ERC1: variants seen among roughly 807,000 people sequenced by gnomAD.
ERC1 encodes RAB6 interacting protein 2.
Under a neutral mutation model 132.0 loss-of-function variants are expected in ERC1, and 56 were observed. The observed-to-expected ratio is 0.42, with a 90% CI of 0.34 to 0.53. The LOEUF (loss-of-function observed/expected upper bound fraction) is 0.53, where lower values mean the gene tolerates loss of function less well. ERC1 is among the 20% of genes least tolerant of loss of function. ERC1 has a pLI of 0.03. For synonymous variants in ERC1, 478 were observed against 476.1 expected, an observed-to-expected ratio of 1.00 and a Z score of -0.05; for missense variants, 1,202 against 1,349.9, an observed-to-expected ratio of 0.89 and a Z score of 1.72.
chr12:1,217,004 A>G (rs1276555323), intron 12 of ERC1, among the ~76,000 whole-genome samples: 2 of 152,220 alleles, frequency 1.3e-5, no homozygotes, highest in African/African-American at 4.8e-5. Flanking sequence ...TGTTTGATAC[A>G]GTGATAAAAA....
At chr12:1,125,564 C>G (rs779140841) in intron 7 of ERC1, among the ~76,000 whole-genome samples, 6 of 151,980 alleles carry the variant, frequency 3.9e-5, no homozygotes, top group Non-Finnish European at 8.8e-5. Flanking sequence ...GCCTATAATC[C>G]CAGCACTTTG....
At chr12:1,032,336 A>G (rs904123732) in intron 2 of ERC1, among the ~76,000 whole-genome samples, 2 of 152,208 alleles carry the variant, frequency 1.3e-5, no homozygotes, top group Admixed American at 6.5e-5. Context: ...GGCAGGAGCC[A>G]CTGCGCCGGG....
chr12:1,037,999 T>A (rs56259414), intron 2 of ERC1, among the ~76,000 whole-genome samples: 1 of 150,582 alleles, frequency 6.6e-6, no homozygotes, highest in Non-Finnish European at 1.5e-5. Flanking sequence ...AGCCCGAGAT[T>A]GCGCCACTGC....
At chr12:1,104,458 A>C (rs1387418725) in intron 3 of ERC1, among the ~76,000 whole-genome samples, 2 of 152,220 alleles carry the variant, frequency 1.3e-5, no homozygotes, top group African/African-American at 2.4e-5. Flanking sequence ...ATTGACACAC[A>C]ACCTGAGGAT....
At chr12:1,440,504 C>CT (rs1223734615) in intron 17 of ERC1, among the ~76,000 whole-genome samples, 1 of 143,400 alleles carries the variant, frequency 7.0e-6, no homozygotes, top group African/African-American at 2.7e-5. Flanking sequence ...CCGCGCCCGG[C>CT]CTTTTTTTTT....
chr12:1,293,621 C>T (rs1022104340), intron 15 of ERC1, among the ~76,000 whole-genome samples: 6 of 148,486 alleles, frequency 4.0e-5, no homozygotes, highest in East Asian at 2.0e-4. Context: ...AAGAGTGAAA[C>T]TCTGTCTCAA....
rs1420894765 is a variant in ERC1 at position 991,250 on chromosome 12, C to T, written c.-229C>T. On this transcript the variant is annotated 5_prime_UTR_variant, in exon 1 of 19. Coordinates refer to ENST00000360905, the MANE Select transcript of ERC1 (RefSeq NM_178040.4). ...GGGCGCCTGGGCCGTGCTGTGGCGG[C>T]GGCGGCGGCGGTAGTGGCGGCGGCG... The T allele has an allele frequency of 1.1e-4, 18 of 165,844 alleles. No homozygotes were observed. The East Asian group carries it at 3.2e-3, about 29-fold the overall frequency. The allele number at this position is 165,844 out of a possible 1,614,324, so 10.3% of individuals were successfully genotyped here.
At chr12:1,479,077 G>A (rs991346824) in intron 18 of ERC1, among the ~76,000 whole-genome samples, 2 of 152,134 alleles carry the variant, frequency 1.3e-5, no homozygotes, top group Non-Finnish European at 2.9e-5. Flanking sequence ...TCTTTTCCCA[G>A]TGCACAGTCA....
At chr12:1,140,150 A>G (rs146886562) in intron 7 of ERC1, among the ~76,000 whole-genome samples, 28 of 152,276 alleles carry the variant, frequency 1.8e-4, no homozygotes, top group African/African-American at 6.3e-4. Context: ...GTTTATCTAC[A>G]TGTTTTTCCT....
chr12:1,074,366 G>A (rs1940984803), intron 2 of ERC1, among the ~76,000 whole-genome samples: 2 of 151,974 alleles, frequency 1.3e-5, no homozygotes, highest in Non-Finnish European at 2.9e-5. Context: ...GGAGTGCAGT[G>A]GCGTGATCTT....
At chr12:1,264,969 GA>G (rs1388041158) in intron 14 of ERC1, among the ~76,000 whole-genome samples, 1 of 152,080 alleles carries the variant, frequency 6.6e-6, no homozygotes, top group East Asian at 1.9e-4. Context: ...GTCAAGTATA[GA>G]AAAAAAGACC....
At chr12:1,156,794 G>A (rs1951442521) in intron 8 of ERC1, among the ~76,000 whole-genome samples, 1 of 151,970 alleles carries the variant, frequency 6.6e-6, no homozygotes, top group Non-Finnish European at 1.5e-5. Flanking sequence ...TTCTCATTGA[G>A]CATTTTTTCA....
rs1236935912 is a variant in ERC1 at position 1,042,674 on chromosome 12, C to T, written c.669+14102C>T. Reference sequence around the variant, plus strand: ...ATTTTTTTTTTTTTAAACCCAGTTGCATTGTATTTATGTGATAAACCTACA... The same window carrying T: ...ATTTTTTTTTTTTTAAACCCAGTTGTATTGTATTTATGTGATAAACCTACA... On this transcript the variant is annotated intron_variant, in intron 2 of 18. Coordinates refer to ENST00000360905, the MANE Select transcript of ERC1 (RefSeq NM_178040.4). Among the ~76,000 whole-genome samples, 4 of 151,738 alleles carry T rather than the reference C, an allele frequency of 2.6e-5. No individual in the cohort carries two copies. In the East Asian group the frequency reaches 7.7e-4, roughly 29 times the overall value.
At chr12:1,241,688 C>T (rs1425328198) in intron 13 of ERC1, among the ~76,000 whole-genome samples, 2 of 151,788 alleles carry the variant, frequency 1.3e-5, no homozygotes, top group East Asian at 3.9e-4. Flanking sequence ...CTTTCTTTAC[C>T]CTGATACCCA....
chr12:1,341,614 G>A (rs1248987875), intron 15 of ERC1, among the ~76,000 whole-genome samples: 3 of 131,726 alleles, frequency 2.3e-5, no homozygotes, highest in African/African-American at 8.5e-5. Context: ...TGAACAATGA[G>A]AACACATGGA....
At chr12:1,031,359 T>C (rs779095323) in intron 2 of ERC1, among the ~76,000 whole-genome samples, 2 of 152,212 alleles carry the variant, frequency 1.3e-5, no homozygotes, top group South Asian at 2.1e-4. Flanking sequence ...TATTATGCTG[T>C]GACCTTCTTT....
At chr12:1,335,772 T>C (rs1016560035) in intron 15 of ERC1, among the ~76,000 whole-genome samples, 1 of 152,212 alleles carries the variant, frequency 6.6e-6, no homozygotes, top group Non-Finnish European at 1.5e-5. Flanking sequence ...TCCTCCTCAA[T>C]TTATTTGAAA....
At chr12:1,162,844 T>A (rs1952010177) in intron 8 of ERC1, among the ~76,000 whole-genome samples, 1 of 152,204 alleles carries the variant, frequency 6.6e-6, no homozygotes, top group African/African-American at 2.4e-5. Flanking sequence ...CAGGCCTAAT[T>A]GAACTTTACG....
intron 12 of ERC1, chr12:1,203,939 T>C (rs1331866449): frequency 1.3e-5 from 2 of 152,524 alleles, no homozygotes; most frequent in African/African-American, 4.8e-5. Flanking sequence ...GAAGTACTAG[T>C]TGTTATTAGG....
Sources: allele counts gnomAD v4.1 joint callset (sites outside exome capture counted in the v4.1 genomes callset), GRCh38; gene constraint gnomAD v4.1.1; transcripts MANE v1.5; gene names NCBI Gene and HGNC (gene_info 2026-07-23, HGNC 2026-07-21).